Variants in PLEKHA7 observed in about 807,000 individuals in gnomAD.
PLEKHA7 encodes the protein pleckstrin homology domain-containing family A member 7.
In PLEKHA7, 104 loss-of-function variants were observed where a neutral mutation model predicts 170.0. The ratio of observed to expected loss-of-function variants is 0.61; its 90% CI spans 0.52 to 0.72. The LOEUF (loss-of-function observed/expected upper bound fraction) is 0.72. Among genes scored for constraint, PLEKHA7 ranks in the 30% least tolerant of loss-of-function variants. The probability of loss-of-function intolerance (pLI) is 0.00; values close to 1 mark genes in which losing one functional copy is unlikely to be tolerated. For synonymous variants in PLEKHA7, 648 were observed against 660.8 expected (o/e 0.98, Z 0.30); for missense variants, 1,615 against 1,671.7 (o/e 0.97, Z 0.59).
At chr11:16,978,998 C>A (rs1183709867) in intron 3 of PLEKHA7, among the ~76,000 whole-genome samples, 3 of 152,158 alleles carry the variant, frequency 2.0e-5, no homozygotes, top group Admixed American at 2.0e-4. Context: ...GCCACCAGAA[C>A]AAGATTTGTA....
chr11:16,916,278 G>T (rs991744993), intron 3 of PLEKHA7, among the ~76,000 whole-genome samples: 6 of 152,242 alleles, frequency 3.9e-5, no homozygotes, highest in Non-Finnish European at 4.4e-5. Flanking sequence ...AGATGAGTAG[G>T]TTGCGAAAAT....
intron 3 of PLEKHA7, among the ~76,000 whole-genome samples, chr11:16,884,419 G>A (rs565078258): frequency 3.3e-5 from 5 of 152,314 alleles, no homozygotes; most frequent in Admixed American, 2.6e-4. Context: ...GATCACCTGA[G>A]GTCAGGAGTT....
rs1848726153 is a variant in PLEKHA7, at chr11:16,803,292, T to A, written c.2011A>T (p.Thr671Ser). 1 of 1,613,112 alleles carries A rather than the reference T, an allele frequency of 6.2e-7. No homozygotes were observed. Among genetic ancestry groups the A allele is most frequent in the South Asian group, 1.1e-5 (1 of 91,038 alleles). The change falls in exon 14 of 27, where the codon ACA becomes TCA. Residue 671 changes from threonine (T) to serine (S), a missense_variant. Thr to Ser is a moderately conservative substitution (Grantham distance 58). Coordinates refer to ENST00000531066, the MANE Select transcript of PLEKHA7 (RefSeq NM_001329630.2). ...CGATCCTTGAGAAGGTCCCGGCCTG[T>A]CATCTGGGAGGCGAACAATTTAAAA... is the stretch of plus-strand genomic sequence containing the variant. ...KDLEYLDLKM[T>S]GRDLLKDRSL...
Position 16,817,148 on chromosome 11 carries a change from C to T in PLEKHA7, c.1518G>A (p.Lys506=). The T allele has an allele frequency of 6.2e-7, 1 of 1,614,230 alleles. No individual in the cohort carries two copies. The highest frequency in any genetic ancestry group is 8.5e-7 in the Non-Finnish European group (1 of 1,180,050). The change falls in exon 11 of 27, where the codon AAG becomes AAA. Residue 506 remains lysine (K), a synonymous_variant. Coordinates refer to ENST00000531066, the MANE Select transcript of PLEKHA7 (RefSeq NM_001329630.2). This position sits in a 1 kb window ranked among gnomAD's most constrained non-coding sequence, Gnocchi z 4.4. ...GCGCCCGGCGCTCTTCACTCGACAT[C>T]TTCAGGTGGCTGGCTCGGTCCTGCG... ...KYAQDRASHL[K]MSSEERRAHR...
intron 9 of PLEKHA7, among the ~76,000 whole-genome samples, chr11:16,838,475 T>C (rs1851692673): frequency 6.8e-6 from 1 of 146,140 alleles, no homozygotes; most frequent in African/African-American, 2.6e-5. Flanking sequence ...ATCATACCAC[T>C]GCACTCCAGC....
intron 8 of PLEKHA7, among the ~76,000 whole-genome samples, chr11:16,849,881 C>T (rs774247867): frequency 1.3e-5 from 2 of 152,126 alleles, no homozygotes; most frequent in Admixed American, 1.3e-4. Context: ...TAGCGTCACT[C>T]GAGGGAAACA....
intron 3 of PLEKHA7, among the ~76,000 whole-genome samples, chr11:16,948,582 TACATGCACACATATATACTCGCACCCC>T (rs1341355790): frequency 6.6e-6 from 1 of 151,944 alleles, no homozygotes; most frequent in Non-Finnish European, 1.5e-5. Flanking sequence ...TGTTCACACA[TACATGCACACATATATACTCGCACCCC>T]ACATGCACAC....
Position 16,980,568 on chromosome 11 carries a change from C to T in PLEKHA7, c.221+33421G>A, listed in dbSNP as rs116464059. Reference sequence around the variant, plus strand: ...AGATGAGACATCAGAGAAGAACATGCTGTTCTTTGAGGTAGTTATGTTTTT... The same window carrying T: ...AGATGAGACATCAGAGAAGAACATGTTGTTCTTTGAGGTAGTTATGTTTTT... On this transcript the variant is annotated intron_variant, in intron 3 of 26. Coordinates refer to ENST00000531066, the MANE Select transcript of PLEKHA7 (RefSeq NM_001329630.2). Among the ~76,000 whole-genome samples the T allele has an allele frequency of 5.3e-3, 802 of 152,298 alleles. 8 individuals carry two copies. The highest frequency in any genetic ancestry group is 0.018 in the African/African-American group (750 of 41,568).
At chr11:16,873,520 T>C (rs118169893) in intron 3 of PLEKHA7, among the ~76,000 whole-genome samples, 1,531 of 152,296 alleles carry the variant, frequency 0.01, 22 homozygotes, top group Non-Finnish European at 0.015. Flanking sequence ...ATGACCTCAT[T>C]TGGCAGACAG....
At chr11:16,822,543 G>A (rs956534606) in intron 10 of PLEKHA7, among the ~76,000 whole-genome samples, 104 of 142,046 alleles carry the variant, frequency 7.3e-4, no homozygotes, top group South Asian at 1.2e-3. Flanking sequence ...AAGGCACCAC[G>A]CCCAGGTGGA....
chr11:16,917,180 C>A (rs1464711675), intron 3 of PLEKHA7, among the ~76,000 whole-genome samples: 1 of 152,112 alleles, frequency 6.6e-6, no homozygotes, highest in Non-Finnish European at 1.5e-5. Flanking sequence ...ATTCACGCCA[C>A]TGCCCTCCAG....
chr11:16,987,884 A>G (rs1176147425), intron 3 of PLEKHA7, among the ~76,000 whole-genome samples: 3 of 152,180 alleles, frequency 2.0e-5, no homozygotes, highest in Non-Finnish European at 4.4e-5. Flanking sequence ...TATTTCAGAG[A>G]GCTCTGGACA....
At chr11:16,883,457 G>C (rs553225630) in intron 3 of PLEKHA7, among the ~76,000 whole-genome samples, 1 of 152,130 alleles carries the variant, frequency 6.6e-6, no homozygotes, top group Non-Finnish European at 1.5e-5. Context: ...CACTGCTCTT[G>C]TTCCATTATC....
intron 26 of PLEKHA7, among the ~76,000 whole-genome samples, chr11:16,781,799 G>A (rs867698134): frequency 4.6e-5 from 7 of 152,072 alleles, no homozygotes; most frequent in African/African-American, 7.2e-5. Context: ...GGACCCTGCC[G>A]GCCACATCCT....
intron 3 of PLEKHA7, among the ~76,000 whole-genome samples, chr11:16,990,478 C>T (rs1165579773): frequency 6.6e-6 from 1 of 152,140 alleles, no homozygotes; most frequent in African/African-American, 2.4e-5. Flanking sequence ...CCTTCATGGC[C>T]TGCTTATGAG....
At chr11:17,011,756 C>T (rs1865334450) in intron 3 of PLEKHA7, among the ~76,000 whole-genome samples, 1 of 152,124 alleles carries the variant, frequency 6.6e-6, no homozygotes, top group Non-Finnish European at 1.5e-5. Flanking sequence ...CTATTATACC[C>T]AATGGGTCTC....
intron 17 of PLEKHA7, 65 bp downstream of exon 17, chr11:16,800,909 T>C (rs766083913): frequency 2.8e-6 from 4 of 1,411,772 alleles, no homozygotes; most frequent in Non-Finnish European, 4.0e-6. Context: ...TGAAGTCTCT[T>C]GGAAAAACAA....
chr11:16,969,797 A>G (rs116864859), intron 3 of PLEKHA7, among the ~76,000 whole-genome samples: 1 of 152,364 alleles, frequency 6.6e-6, no homozygotes, highest in East Asian at 1.9e-4. Context: ...AACAGTGCCA[A>G]GGCCAGGTCA....
At chr11:16,947,841 T>C (rs2108603) in intron 3 of PLEKHA7, among the ~76,000 whole-genome samples, 133,706 of 149,692 alleles carry the variant, frequency 0.89, 59,711 homozygotes, top group African/African-American at 0.93. Context: ...ACTTGAGCCT[T>C]GGAGGCAGAG....
Sources: allele counts gnomAD v4.1 joint callset (sites outside exome capture counted in the v4.1 genomes callset), GRCh38; gene constraint gnomAD v4.1.1; non-coding constraint Gnocchi (gnomAD v3.1); transcripts MANE v1.5; gene names NCBI Gene and HGNC (gene_info 2026-07-23, HGNC 2026-07-21).